MBD5: variants seen among roughly 807,000 people sequenced by gnomAD.
MBD5 encodes the protein methyl-CpG-binding domain protein 5.
A neutral mutation model predicts 117.3 loss-of-function variants in MBD5; 13 were observed. That is an observed-to-expected ratio of 0.11 (90% confidence interval 0.07 to 0.18). The LOEUF is 0.18. Among genes scored for constraint, MBD5 ranks in the 10% least tolerant of loss-of-function variants. MBD5 has a pLI of 1.00. For missense variants in MBD5, 1,879 were observed against 2,093.8 expected (o/e 0.90, Z 2.00); for synonymous variants, 727 against 766.4 (o/e 0.95, Z 0.85).
chr2:148,350,487 G>A (rs1177645026), intron 4 of MBD5, among the ~76,000 whole-genome samples: 1 of 151,994 alleles, frequency 6.6e-6, no homozygotes, highest in Non-Finnish European at 1.5e-5. Flanking sequence ...GAAATGCAGT[G>A]ATAGTGGGCA....
chr2:148,229,006 C>T (rs1699912662), intron 2 of MBD5, among the ~76,000 whole-genome samples: 1 of 151,900 alleles, frequency 6.6e-6, no homozygotes. Context: ...CTCTTTTCTT[C>T]TTTATTAGTC....
At chr2:148,132,801 A>G (rs1178691566) in intron 1 of MBD5, among the ~76,000 whole-genome samples, 2 of 152,176 alleles carry the variant, frequency 1.3e-5, no homozygotes, top group Non-Finnish European at 2.9e-5. Context: ...ATTTTGCTGA[A>G]ATATTAAAAA....
intron 1 of MBD5, among the ~76,000 whole-genome samples, chr2:148,131,125 A>C (rs992473389): frequency 1.3e-5 from 2 of 152,208 alleles, no homozygotes; most frequent in Non-Finnish European, 2.9e-5. Flanking sequence ...TGCAATGATT[A>C]ATTGTCCATA....
intron 4 of MBD5, among the ~76,000 whole-genome samples, chr2:148,454,890 A>G (rs936542583): frequency 6.6e-6 from 1 of 152,082 alleles, no homozygotes; most frequent in South Asian, 2.1e-4. Context: ...GTTTCTGTGA[A>G]GAATGTCATT....
chr2:148,345,453 ACATATACATATGTATATACACAT>A (rs1170484283), intron 4 of MBD5, among the ~76,000 whole-genome samples: 4 of 46,206 alleles, frequency 8.7e-5, no homozygotes, highest in Non-Finnish European at 2.1e-4. Context: ...ATACACATAC[ACATATACATATGTATATACACAT>A]ACATATACAT....
chr2:148,465,455 A>G (rs1236873002), intron 7 of MBD5, among the ~76,000 whole-genome samples: 1 of 152,184 alleles, frequency 6.6e-6, no homozygotes, highest in Non-Finnish European at 1.5e-5. Context: ...AAATATGGCT[A>G]AACACCAAAG....
chr2:148,048,350 A>G (rs1436504949), intron 1 of MBD5, among the ~76,000 whole-genome samples: 1 of 152,068 alleles, frequency 6.6e-6, no homozygotes, highest in Non-Finnish European at 1.5e-5. Flanking sequence ...AATGCTTACT[A>G]CTTATTAGGT....
At chr2:148,370,454 G>A (rs903484175) in intron 4 of MBD5, among the ~76,000 whole-genome samples, 3 of 152,030 alleles carry the variant, frequency 2.0e-5, no homozygotes, top group Non-Finnish European at 2.9e-5. Flanking sequence ...GTAAAATACA[G>A]ATGACAAAAA....
At chr2:148,151,412 T>C (rs1697661789) in intron 1 of MBD5, among the ~76,000 whole-genome samples, 1 of 152,184 alleles carries the variant, frequency 6.6e-6, no homozygotes, top group Admixed American at 6.5e-5. Flanking sequence ...TCTTTTTTGG[T>C]TGTGTCTCTA....
chr2:148,116,376 T>A (rs941130785), intron 1 of MBD5, among the ~76,000 whole-genome samples: 1 of 152,182 alleles, frequency 6.6e-6, no homozygotes, highest in African/African-American at 2.4e-5. Context: ...CAACATGACG[T>A]TGAAATGTCC....
intron 3 of MBD5, among the ~76,000 whole-genome samples, chr2:148,324,245 G>A (rs1008270102): frequency 6.6e-6 from 1 of 152,122 alleles, no homozygotes; most frequent in African/African-American, 2.4e-5. Flanking sequence ...GGTTACTGTA[G>A]CCTTGTAGTA....
chr2:148,039,821 C>T (rs533289247), intron 1 of MBD5, among the ~76,000 whole-genome samples: 11 of 137,260 alleles, frequency 8.0e-5, no homozygotes, highest in Non-Finnish European at 1.5e-4. Context: ...ATCAGTTAAC[C>T]ACAAGGGTAC....
At chr2:148,473,112 T>A (rs1359288183) in intron 8 of MBD5, among the ~76,000 whole-genome samples, 1 of 152,162 alleles carries the variant, frequency 6.6e-6, no homozygotes, top group East Asian at 1.9e-4. Flanking sequence ...TAAATCACAT[T>A]AATGCATGTT....
chr2:148,278,209 T>C (rs371275978), intron 3 of MBD5, among the ~76,000 whole-genome samples: 20 of 152,332 alleles, frequency 1.3e-4, no homozygotes, highest in East Asian at 9.6e-4. Flanking sequence ...GTATTGTTAT[T>C]ATGATATTGT....
intron 4 of MBD5, among the ~76,000 whole-genome samples, chr2:148,423,924 A>C (rs1389910028): frequency 6.6e-6 from 1 of 152,062 alleles, no homozygotes; most frequent in Non-Finnish European, 1.5e-5. Flanking sequence ...CACGCCTGTA[A>C]TCCCAGCACT....
intron 4 of MBD5, among the ~76,000 whole-genome samples, chr2:148,353,815 A>G (rs1466634825): frequency 6.6e-6 from 1 of 152,020 alleles, no homozygotes; most frequent in Non-Finnish European, 1.5e-5. Context: ...TCCTAACCTC[A>G]AGTGATCTGC....
intron 1 of MBD5, among the ~76,000 whole-genome samples, chr2:148,029,825 A>G (rs760803121): frequency 3.9e-4 from 59 of 152,194 alleles, no homozygotes; most frequent in Admixed American, 2.0e-4. Context: ...ATGTATGTAC[A>G]TGTAATTTTT....
intron 1 of MBD5, among the ~76,000 whole-genome samples, chr2:148,104,422 AGT>A: frequency 6.6e-6 from 1 of 152,250 alleles, no homozygotes; most frequent in Middle Eastern, 3.4e-3. Flanking sequence ...ACACTAAACC[AGT>A]GTCTTTATTA....
rs564336635 is a variant in MBD5 at position 148,050,598 on chromosome 2, G to A, written c.-925+28914G>A. On this transcript the variant is annotated intron_variant, in intron 1 of 13. Coordinates refer to ENST00000642680, the MANE Select transcript of MBD5 (RefSeq NM_001378120.1). ...TTCTTTTGTTACTTTAACTTTTGGT[G>A]TTAATTTAATAGATTATTGCCTATT... 2.6e-5 allele frequency among the ~76,000 whole-genome samples: 4 copies of A among 152,062 alleles called. No homozygotes were observed. In the East Asian group the frequency reaches 7.7e-4, roughly 29 times the overall value.
Sources: gnomAD v4.1 joint callset for allele counts (sites outside exome capture counted in the v4.1 genomes callset) on GRCh38, gnomAD v4.1.1 for gene constraint, MANE v1.5 for transcripts, NCBI Gene and HGNC (gene_info 2026-07-23, HGNC 2026-07-21) for gene names.